Variants in PLA2R1 observed in about 807,000 individuals in gnomAD.
The protein encoded by PLA2R1 is phospholipase A2 receptor 1.
Under a neutral mutation model 195.9 loss-of-function variants are expected in PLA2R1, and 158 were observed. The ratio of observed to expected loss-of-function variants is 0.81; its 90% CI spans 0.71 to 0.92. PLA2R1 has a LOEUF of 0.92. Among genes scored for constraint, PLA2R1 ranks in the 40% least tolerant of loss-of-function variants. The pLI is 0.00. For synonymous variants in PLA2R1, 586 were observed against 598.2 expected (o/e 0.98, Z 0.30); for missense variants, 1,626 against 1,764.6 (o/e 0.92, Z 1.41).
At chr2:160,047,502 A>C (rs993622801) in intron 1 of PLA2R1, among the ~76,000 whole-genome samples, 1 of 152,222 alleles carries the variant, frequency 6.6e-6, no homozygotes, top group African/African-American at 2.4e-5. Flanking sequence ...CAGTTTCTGC[A>C]GCACACAGTG....
intron 12 of PLA2R1, among the ~76,000 whole-genome samples, chr2:159,984,580 G>A (rs974366950): frequency 2.0e-5 from 3 of 152,188 alleles, no homozygotes; most frequent in Non-Finnish European, 4.4e-5. Flanking sequence ...GGCAAGAAAT[G>A]AGAAATTAGA....
chr2:159,959,268 T>C (rs1688291197), intron 20 of PLA2R1, among the ~76,000 whole-genome samples: 1 of 152,208 alleles, frequency 6.6e-6, no homozygotes, highest in East Asian at 1.9e-4. Flanking sequence ...TAAATACCAA[T>C]GAACCTCATT....
At chr2:160,025,868 C>T (rs570317297) in intron 6 of PLA2R1, among the ~76,000 whole-genome samples, 9 of 152,026 alleles carry the variant, frequency 5.9e-5, no homozygotes, top group East Asian at 1.9e-4. Flanking sequence ...TAGGAGTCAA[C>T]GAGAGAAAAT....
chr2:160,002,050 T>C (rs115899558), intron 11 of PLA2R1, among the ~76,000 whole-genome samples: 137 of 151,776 alleles, frequency 9.0e-4, no homozygotes, highest in Non-Finnish European at 1.6e-3. Context: ...AAAGAACACA[T>C]GCAAGGCCAT....
Position 159,955,343 on chromosome 2 carries a change from G to A in PLA2R1, c.3157C>T (p.Pro1053Ser). Residue 1053 changes from proline to serine, a missense_variant, in exon 23 of 30, where the codon CCA becomes TCA. By Grantham distance (74) the Pro-to-Ser change is moderately conservative. Coordinates refer to ENST00000283243, the MANE Select transcript of PLA2R1 (RefSeq NM_007366.5). ...TGAACTTCAGTGGTATTGTGACTTG[G>A]AATCTTTAAAATAATACACGTTATC... is the stretch of plus-strand genomic sequence containing the variant. Reference protein sequence around the residue: ...NWSPFDIINIPSHNTTEVQKH... With the variant: ...NWSPFDIINISSHNTTEVQKH... The A allele has an allele frequency of 6.3e-7, 1 of 1,586,992 alleles. No homozygotes were observed. The highest frequency in any genetic ancestry group is 8.6e-7 in the Non-Finnish European group (1 of 1,158,922).
At chr2:159,994,080 G>GA (rs956166880) in intron 11 of PLA2R1, among the ~76,000 whole-genome samples, 48 of 142,912 alleles carry the variant, frequency 3.4e-4, no homozygotes, top group African/African-American at 8.0e-4. Context: ...CACAAAAAGA[G>GA]AAAAAAAAAT....
At chr2:160,059,991 A>G (rs1056009282) in intron 1 of PLA2R1, among the ~76,000 whole-genome samples, 3 of 152,242 alleles carry the variant, frequency 2.0e-5, no homozygotes, top group African/African-American at 2.4e-5. Context: ...TAGCCAAACC[A>G]TATCAAGAAT....
chr2:159,962,455 C>T (rs1688510098), intron 20 of PLA2R1, among the ~76,000 whole-genome samples: 1 of 152,142 alleles, frequency 6.6e-6, no homozygotes, highest in South Asian at 2.1e-4. Context: ...ATTAGTTAAA[C>T]CATTGTGGAA....
In PLA2R1 at chr2:159,946,575, A is replaced by T. The variant is rs1003447274; in HGVS notation, c.3967+226T>A. 10 of 1,230,224 alleles carry T rather than the reference A, an allele frequency of 8.1e-6. No individual in the cohort carries two copies. The African/African-American group carries it at 1.6e-4, about 19-fold the overall frequency. 76.2% of individuals were successfully genotyped at this position (1,230,224 alleles called of 1,614,324 possible). A position where few individuals can be genotyped will look rare whatever the true frequency, so the allele number is the denominator to read the frequency against. Reference sequence around the variant, plus strand: ...CTTCCTGCTAAGGGTAAAGATAAACATGTTATTGTTTGTTTTTATTTTTGG... The same window carrying T: ...CTTCCTGCTAAGGGTAAAGATAAACTTGTTATTGTTTGTTTTTATTTTTGG... On this transcript the variant is annotated intron_variant, in intron 27 of 29. Transcript: ENST00000283243.
chr2:159,958,294 G>T (rs1426380486), intron 20 of PLA2R1, among the ~76,000 whole-genome samples: 1 of 151,950 alleles, frequency 6.6e-6, no homozygotes, highest in Non-Finnish European at 1.5e-5. Context: ...TGACATGCTG[G>T]TTCCCTGTTA....
At position 159,944,984 on chromosome 2, in the gene PLA2R1, C is replaced by A. The variant is rs779813638; in HGVS notation, c.4066G>T (p.Ala1356Ser). The A allele has an allele frequency of 4.3e-6, 7 of 1,613,664 alleles. No homozygotes were observed. The Admixed American group carries it at 1.2e-4, about 27-fold the overall frequency. ...CATAATCCTTCAGGGATCCTCAAGG[C>A]AACACAATGATGGGGCTTGAAGTAG... is the stretch of plus-strand genomic sequence containing the variant. ...TDYFKPHHCV[A>S]LRIPEGLWQL... Residue 1356 changes from alanine to serine, a missense_variant, in exon 28 of 30, where the codon GCC (alanine) becomes TCC (serine). Transcript: ENST00000283243.
intron 7 of PLA2R1, among the ~76,000 whole-genome samples, chr2:160,021,728 A>G (rs1364689209): frequency 6.6e-6 from 1 of 152,232 alleles, no homozygotes; most frequent in Admixed American, 6.5e-5. Context: ...CACCACTGCA[A>G]TATATGCATG....
downstream of PLA2R1, among the ~76,000 whole-genome samples, chr2:159,929,185 CA>C (rs1340704185): frequency 6.6e-6 from 1 of 152,134 alleles, no homozygotes; most frequent in Admixed American, 6.5e-5. Context: ...TTCTGCACAG[CA>C]AAAGAAACAA....
Position 159,998,205 on chromosome 2 carries a change from A to C in PLA2R1, c.1834+7447T>G, listed in dbSNP as rs368659270. 2.0e-4 allele frequency among the ~76,000 whole-genome samples: 30 copies of C among 152,302 alleles called. No individual in the cohort carries two copies. In the East Asian group the frequency reaches 4.1e-3, roughly 21 times the overall value. ...ACCCTAATAGGTTAGCAATGTCACT[A>C]TCTGTAGCTTTAGGTAAAATCCTGC... On this transcript the variant is annotated intron_variant, in intron 11 of 29. Coordinates refer to ENST00000283243, the MANE Select transcript of PLA2R1 (RefSeq NM_007366.5).
chr2:160,040,434 C>G (rs1374896158), intron 3 of PLA2R1, among the ~76,000 whole-genome samples: 1 of 152,054 alleles, frequency 6.6e-6, no homozygotes, highest in Non-Finnish European at 1.5e-5. Flanking sequence ...TGATATTATC[C>G]CTGTATATAG....
chr2:160,054,465 G>C (rs570988252), intron 1 of PLA2R1, among the ~76,000 whole-genome samples: 2 of 152,144 alleles, frequency 1.3e-5, no homozygotes, highest in Non-Finnish European at 2.9e-5. Flanking sequence ...TAATTACTTT[G>C]AGTTTCCTGT....
At chr2:160,059,550 T>C (rs918448582) in intron 1 of PLA2R1, among the ~76,000 whole-genome samples, 1 of 152,174 alleles carries the variant, frequency 6.6e-6, no homozygotes, top group Non-Finnish European at 1.5e-5. Context: ...GTAAATGGCA[T>C]AGTCAGGATT....
At chr2:160,038,753 G>A (rs1441538640) in intron 3 of PLA2R1, among the ~76,000 whole-genome samples, 1 of 152,142 alleles carries the variant, frequency 6.6e-6, no homozygotes, top group African/African-American at 2.4e-5. Context: ...TGTGGGGTGT[G>A]AGAACTGCAT....
chr2:159,929,302 G>C (rs1465206237), downstream of PLA2R1, among the ~76,000 whole-genome samples: 1 of 151,912 alleles, frequency 6.6e-6, no homozygotes, highest in African/African-American at 2.4e-5. Context: ...AAACAAATTA[G>C]CAAGGAAAAA....
Sources: gnomAD v4.1 joint callset for allele counts (sites outside exome capture counted in the v4.1 genomes callset) on GRCh38, gnomAD v4.1.1 for gene constraint, MANE v1.5 for transcripts, NCBI Gene and HGNC (gene_info 2026-07-23, HGNC 2026-07-21) for gene names.